ZZEF1: variants seen among roughly 807,000 people sequenced by gnomAD.
ZZEF1 encodes the protein zinc finger ZZ-type and EF-hand domain containing 1.
Under a neutral mutation model 342.8 loss-of-function variants are expected in ZZEF1, and 157 were observed. The ratio of observed to expected loss-of-function variants is 0.46; its 90% CI spans 0.40 to 0.52. The LOEUF (loss-of-function observed/expected upper bound fraction) is 0.52. Ranked by LOEUF, ZZEF1 falls within the 20% of genes least tolerant of loss-of-function variation. The pLI is 0.00. For synonymous variants in ZZEF1, 1,505 were observed against 1,429.1 expected, an observed-to-expected ratio of 1.05 and a Z score of -1.20; for missense variants, 3,480 against 3,725.6, an observed-to-expected ratio of 0.93 and a Z score of 1.72.
At chr17:4,118,782 C>T (rs928546573) in intron 2 of ZZEF1, among the ~76,000 whole-genome samples, 2 of 152,200 alleles carry the variant, frequency 1.3e-5, no homozygotes, top group Non-Finnish European at 2.9e-5. Flanking sequence ...CCCCACATCA[C>T]TGAACCCCTA....
intron 14 of ZZEF1, 139 bp downstream of exon 14, chr17:4,087,292 CAAT>C (rs1176785251): frequency 3.9e-5 from 24 of 612,110 alleles, no homozygotes; most frequent in Non-Finnish European, 8.4e-6. Flanking sequence ...GTGTTATTTT[CAAT>C]AATAACCATA....
At chr17:4,087,915 C>T (rs1000174397) in intron 13 of ZZEF1, among the ~76,000 whole-genome samples, 2 of 152,040 alleles carry the variant, frequency 1.3e-5, no homozygotes, top group African/African-American at 4.8e-5. Flanking sequence ...AATATACTGA[C>T]GCCTTCCCCG....
intron 6 of ZZEF1, 74 bp from the exon 7 acceptor site, chr17:4,105,883 G>T: frequency 7.9e-7 from 1 of 1,266,046 alleles, no homozygotes; most frequent in South Asian, 1.4e-5. Flanking sequence ...ACTGTTAGAA[G>T]CTTGTTTTGA....
intron 3 of ZZEF1, among the ~76,000 whole-genome samples, chr17:4,114,796 T>A (rs1455554953): frequency 6.6e-6 from 1 of 152,224 alleles, no homozygotes; most frequent in Non-Finnish European, 1.5e-5. Flanking sequence ...CTGATATATT[T>A]GCAAAACCAT....
chr17:4,129,971 G>C (rs62071046), intron 1 of ZZEF1, among the ~76,000 whole-genome samples: 1 of 151,890 alleles, frequency 6.6e-6, no homozygotes, highest in Non-Finnish European at 1.5e-5. Context: ...ATGAGAACTC[G>C]AGAACACAAA....
chr17:4,025,666 A>G (rs1291927156), intron 42 of ZZEF1, among the ~76,000 whole-genome samples: 2 of 146,276 alleles, frequency 1.4e-5, no homozygotes, highest in Non-Finnish European at 1.5e-5. Context: ...TGGGTGACAG[A>G]GTCAGACTCC....
chr17:4,131,283 T>A (rs1317831612), intron 1 of ZZEF1, among the ~76,000 whole-genome samples: 1 of 152,022 alleles, frequency 6.6e-6, no homozygotes, highest in Non-Finnish European at 1.5e-5. Context: ...TTAAAGCAGA[T>A]CAGAAGGATT....
rs539113171 is a variant in ZZEF1 at position 4,066,501 on chromosome 17, C to T, written c.4195G>A (p.Glu1399Lys). Reference sequence around the variant, plus strand: ...TCTGAACTATGTTTTTCTTCTGCTTCATTCCCCAGGCTCATCAGGGACTTC... The same window carrying T: ...TCTGAACTATGTTTTTCTTCTGCTTTATTCCCCAGGCTCATCAGGGACTTC... ...KQKSLMSLGN[E>K]AEEKHSSEAT... The change falls in exon 28 of 55, where the codon GAA becomes AAA. Residue 1399 changes from glutamate to lysine, a missense_variant. By Grantham distance (56) the Glu-to-Lys change is moderately conservative. Around this residue, in one of 5 missense-constraint regions of ZZEF1, gnomAD observed 1,528 missense variants for 1,624.1 expected, o/e 0.94. Coordinates refer to ENST00000381638, the MANE Select transcript of ZZEF1 (RefSeq NM_015113.4). 8.7e-6 allele frequency: 14 copies of T among 1,614,150 alleles called. No homozygotes were observed. In the African/African-American group the frequency reaches 1.6e-4, roughly 18 times the overall value.
At chr17:4,099,606 C>T (rs529178266) in intron 9 of ZZEF1, among the ~76,000 whole-genome samples, 62 of 147,204 alleles carry the variant, frequency 4.2e-4, no homozygotes, top group African/African-American at 1.5e-3. Flanking sequence ...AGTGCAATGG[C>T]GCAATCTCAG....
At position 4,042,575 on chromosome 17, in the gene ZZEF1, G is replaced by A. The variant is rs558176469; in HGVS notation, c.6167-7C>T. 8 of 1,609,398 alleles carry A rather than the reference G, an allele frequency of 5.0e-6. No individual in the cohort carries two copies. The South Asian group carries it at 8.9e-5, about 18-fold the overall frequency. On this transcript the variant is annotated splice_region_variant and splice_polypyrimidine_tract_variant and intron_variant, in intron 38 of 54. Coordinates refer to ENST00000381638, the MANE Select transcript of ZZEF1 (RefSeq NM_015113.4). ...ACTTCTGAATCTTCAGCATCTAAGT[G>A]GTAAAACAAACTTTCAGAATTTGCC...
intron 44 of ZZEF1, among the ~76,000 whole-genome samples, chr17:4,021,689 G>A (rs1188957434): frequency 6.6e-6 from 1 of 152,184 alleles, no homozygotes; most frequent in Non-Finnish European, 1.5e-5. Flanking sequence ...AATATGCTCA[G>A]TGAAGCACTA....
At position 4,049,831 on chromosome 17, in the gene ZZEF1, T is replaced by C. The variant is rs1259872589; in HGVS notation, c.5892A>G (p.Val1964=). ...CTAGGCTCGAGTCCCCATCTGGCAA[T>C]ACACCCAGCAAAGCTAGAGCTTTAA... The part of the protein sequence containing the change: ...KGLKALALLG[V]LPDGDSSLED... Residue 1964 remains valine, a synonymous_variant, in exon 37 of 55, where the codon GTA becomes GTG. Coordinates refer to ENST00000381638, the MANE Select transcript of ZZEF1 (RefSeq NM_015113.4). 6 of 1,614,182 alleles carry C rather than the reference T, an allele frequency of 3.7e-6. No individual in the cohort carries two copies. Among genetic ancestry groups the C allele is most frequent in the South Asian group, 3.3e-5 (3 of 91,084 alleles).
At chr17:4,015,521 C>G (rs879417124) in intron 49 of ZZEF1, among the ~76,000 whole-genome samples, 3 of 152,192 alleles carry the variant, frequency 2.0e-5, no homozygotes, top group African/African-American at 2.4e-5. Flanking sequence ...TCCCAGCACT[C>G]TGGGAGGCCA....
At chr17:4,137,395 G>A (rs1438913484) in intron 1 of ZZEF1, among the ~76,000 whole-genome samples, 1 of 152,156 alleles carries the variant, frequency 6.6e-6, no homozygotes, top group African/African-American at 2.4e-5. Context: ...CGGATCACAA[G>A]GTCAGGAGAT....
intron 15 of ZZEF1, 128 bp from the exon 16 acceptor site, chr17:4,085,931 G>C: frequency 8.3e-7 from 1 of 1,212,106 alleles, no homozygotes. Flanking sequence ...AAGTATTTCT[G>C]TACAGGCCAG....
In ZZEF1 at chr17:4,017,893, C is replaced by A; in HGVS notation, c.7584G>T (p.Arg2528Ser). The A allele has an allele frequency of 6.2e-7, 1 of 1,614,184 alleles. No individual in the cohort carries two copies. The highest frequency in any genetic ancestry group is 8.5e-7 in the Non-Finnish European group (1 of 1,180,046). The change falls in exon 47 of 55, where the codon AGG becomes AGT. Residue 2528 changes from arginine to serine, a missense_variant. Physicochemically the swap from Arg to Ser is moderately radical, Grantham distance 110. Transcript: ENST00000381638. The surrounding 1 kb of genome is among the most constrained non-coding windows in gnomAD (Gnocchi z 5.1). ...CAGCTTTGGCGCTCTGTTCTTCCAG[C>A]CTCAGACTCTTACTGGGCTGCCACC... Reference protein sequence around the residue: ...AQRWQPSKSLRLEEQSAKAVD... With the variant: ...AQRWQPSKSLSLEEQSAKAVD...
At chr17:4,027,570 C>T (rs978194146) in intron 42 of ZZEF1, among the ~76,000 whole-genome samples, 3 of 148,974 alleles carry the variant, frequency 2.0e-5, no homozygotes, top group Admixed American at 2.0e-4. Flanking sequence ...GCTGGGATTA[C>T]AGGCATGAGC....
intron 22 of ZZEF1, 38 bp from the exon 23 acceptor site, chr17:4,075,216 T>C (rs750836971): frequency 5.6e-6 from 9 of 1,613,722 alleles, no homozygotes; most frequent in African/African-American, 1.3e-5. Flanking sequence ...CCTTCTCTCA[T>C]TGCTGACCTA....
chr17:4,035,770 T>TAGTG (rs1306504845), intron 39 of ZZEF1, among the ~76,000 whole-genome samples: 1 of 152,106 alleles, frequency 6.6e-6, no homozygotes, highest in Non-Finnish European at 1.5e-5. Context: ...GTCGTCTCAC[T>TAGTG]GCAAGGGGGC....
Sources: allele counts gnomAD v4.1 joint callset (sites outside exome capture counted in the v4.1 genomes callset), GRCh38; gene constraint gnomAD v4.1.1; regional missense constraint gnomAD v4.1.1; non-coding constraint Gnocchi (gnomAD v3.1); transcripts MANE v1.5; gene names NCBI Gene and HGNC (gene_info 2026-07-23, HGNC 2026-07-21).